The following CTNNA3 variants were observed in gnomAD, a reference collection of about 807,000 sequenced individuals.
CTNNA3 encodes catenin alpha 3, also known as catenin alpha-3.
Under a neutral mutation model 95.7 loss-of-function variants are expected in CTNNA3, and 76 were observed. The ratio of observed to expected loss-of-function variants is 0.79; its 90% CI spans 0.66 to 0.96. The LOEUF is 0.96. Among genes scored for constraint, CTNNA3 ranks in the 40% least tolerant of loss-of-function variants. The pLI, the probability that CTNNA3 is intolerant of heterozygous loss-of-function variation, is 0.00. For missense variants in CTNNA3, 1,191 were observed against 1,089.8 expected, an observed-to-expected ratio of 1.09 and a Z score of -1.31; for synonymous variants, 431 against 374.4, an observed-to-expected ratio of 1.15 and a Z score of -1.74.
chr10:66,449,609 T>A (rs572793621), intron 11 of CTNNA3, among the ~76,000 whole-genome samples: 1 of 152,170 alleles, frequency 6.6e-6, no homozygotes, highest in South Asian at 2.1e-4. Context: ...AAGGCTATGA[T>A]TTTTTGCCTT....
At chr10:66,753,620 C>A (rs1839248374) in intron 9 of CTNNA3, among the ~76,000 whole-genome samples, 1 of 151,516 alleles carries the variant, frequency 6.6e-6, no homozygotes, top group African/African-American at 2.4e-5. Context: ...CGAGATTGCA[C>A]CATTGCACTC....
intron 7 of CTNNA3, among the ~76,000 whole-genome samples, chr10:66,778,749 G>A (rs1047940483): frequency 6.6e-6 from 1 of 152,152 alleles, no homozygotes; most frequent in Non-Finnish European, 1.5e-5. Flanking sequence ...GCCAAGGCAG[G>A]TGGATCACCT....
chr10:67,444,197 C>T (rs1846651778), intron 5 of CTNNA3, among the ~76,000 whole-genome samples: 1 of 152,072 alleles, frequency 6.6e-6, no homozygotes, highest in Non-Finnish European at 1.5e-5. Flanking sequence ...TCAAGGATCT[C>T]TTCTGGCCAC....
chr10:66,288,048 G>C (rs969319700), intron 12 of CTNNA3, among the ~76,000 whole-genome samples: 2 of 152,072 alleles, frequency 1.3e-5, no homozygotes, highest in African/African-American at 4.8e-5. Context: ...AACCCCATGG[G>C]ACTGGACTGA....
chr10:67,084,523 T>C (rs1589716209), intron 7 of CTNNA3, among the ~76,000 whole-genome samples: 1 of 152,052 alleles, frequency 6.6e-6, no homozygotes, highest in East Asian at 1.9e-4. Context: ...CCCTCAGCCA[T>C]GAGAAAAAAT....
intron 7 of CTNNA3, among the ~76,000 whole-genome samples, chr10:66,898,634 C>A (rs1028416254): frequency 6.6e-6 from 1 of 152,116 alleles, no homozygotes; most frequent in African/African-American, 2.4e-5. Flanking sequence ...AACTGGATAT[C>A]CACATGCAAA....
intron 13 of CTNNA3, among the ~76,000 whole-genome samples, chr10:66,115,704 C>A (rs373604996): frequency 1.3e-5 from 2 of 151,998 alleles, no homozygotes. Flanking sequence ...ATCAACAATC[C>A]TAACCAAATT....
chr10:67,406,044 A>T (rs988261044), intron 5 of CTNNA3, among the ~76,000 whole-genome samples: 1 of 152,166 alleles, frequency 6.6e-6, no homozygotes, highest in Admixed American at 6.6e-5. Flanking sequence ...TGCTGTTCTC[A>T]TAATAGTGAG....
intron 1 of CTNNA3, among the ~76,000 whole-genome samples, chr10:67,656,691 G>A (rs535327626): frequency 1.2e-3 from 186 of 152,016 alleles, no homozygotes; most frequent in African/African-American, 4.3e-3. Context: ...AGCAAGACTC[G>A]AAGAGGCAAG....
chr10:67,750,652 C>T (rs936845744), intron 1 of CTNNA3: 131 of 1,546,574 alleles, frequency 8.5e-5, no homozygotes, highest in South Asian at 4.6e-4. Context: ...TGATTTTTTC[C>T]GCAAAGATGA....
intron 12 of CTNNA3, among the ~76,000 whole-genome samples, chr10:66,374,600 A>C (rs1002186315): frequency 6.7e-6 from 1 of 148,284 alleles, no homozygotes. Context: ...ATTTTGAAAG[A>C]AAAGCCTTTT....
intron 7 of CTNNA3, among the ~76,000 whole-genome samples, chr10:67,079,281 A>G (rs1474183709): frequency 6.6e-6 from 1 of 152,210 alleles, no homozygotes; most frequent in Non-Finnish European, 1.5e-5. Context: ...TTAAGAAACT[A>G]TCATAAATAC....
Position 66,280,518 on chromosome 10 carries a change from C to T in CTNNA3, c.1836G>A (p.Lys612=), listed in dbSNP as rs774209973. 1.3e-5 allele frequency: 21 copies of T among 1,609,358 alleles called. No homozygotes were observed. The highest frequency in any genetic ancestry group is 1.8e-5 in the Non-Finnish European group (21 of 1,177,960). ...DDNQFVDISK[K]IYDTIHDIRC... ...TGATATCATGAATTGTATCATAGAT[C>T]TTCTTTGAGATGTCCACAAATTGAT... is the stretch of plus-strand genomic sequence containing the variant. The change falls in exon 13 of 18, where the codon AAG becomes AAA. Residue 612 remains lysine (K), a synonymous_variant. Coordinates refer to ENST00000433211, the MANE Select transcript of CTNNA3 (RefSeq NM_013266.4).
chr10:66,137,103 C>A (rs2083395742), intron 13 of CTNNA3, among the ~76,000 whole-genome samples: 1 of 151,996 alleles, frequency 6.6e-6, no homozygotes, highest in African/African-American at 2.4e-5. Context: ...AGCCACCGCG[C>A]CCAGCCTAGT....
At chr10:66,762,045 A>C (rs1487254943) in intron 9 of CTNNA3, among the ~76,000 whole-genome samples, 1 of 152,204 alleles carries the variant, frequency 6.6e-6, no homozygotes, top group Non-Finnish European at 1.5e-5. Flanking sequence ...ATGTGGATTT[A>C]TTGGGCATGA....
chr10:66,828,225 A>C (rs1842585926), intron 7 of CTNNA3, among the ~76,000 whole-genome samples: 1 of 152,374 alleles, frequency 6.6e-6, no homozygotes, highest in Admixed American at 6.5e-5. Flanking sequence ...GCACGTGAGC[A>C]TATGCAAGGC....
At chr10:66,730,227 A>G (rs1487880720) in intron 9 of CTNNA3, among the ~76,000 whole-genome samples, 1 of 152,220 alleles carries the variant, frequency 6.6e-6, no homozygotes, top group Non-Finnish European at 1.5e-5. Context: ...TAGACTGGAT[A>G]AAGAAAATGT....
At chr10:66,882,969 C>T (rs1314865898) in intron 7 of CTNNA3, among the ~76,000 whole-genome samples, 1 of 151,852 alleles carries the variant, frequency 6.6e-6, no homozygotes, top group African/African-American at 2.4e-5. Context: ...GTGTGGGCAC[C>T]ATCTGGCCCC....
At chr10:66,869,790 G>T (rs1050776920) in intron 7 of CTNNA3, among the ~76,000 whole-genome samples, 1 of 152,124 alleles carries the variant, frequency 6.6e-6, no homozygotes, top group Non-Finnish European at 1.5e-5. Context: ...ACTTCTCTTT[G>T]TGTTGGCATT....
Sources: gnomAD v4.1 joint callset for allele counts (sites outside exome capture counted in the v4.1 genomes callset) on GRCh38, gnomAD v4.1.1 for gene constraint, MANE v1.5 for transcripts, NCBI Gene and HGNC (gene_info 2026-07-23, HGNC 2026-07-21) for gene names.